Variants in LOXHD1 observed in about 807,000 individuals in gnomAD.
LOXHD1 encodes the protein lipoxygenase homology PLAT domains 1.
A neutral mutation model predicts 248.2 loss-of-function variants in LOXHD1; 205 were observed. That is an observed-to-expected ratio of 0.83 (90% CI 0.74 to 0.93). LOXHD1 has a LOEUF of 0.93. Among genes scored for constraint, LOXHD1 ranks in the 40% least tolerant of loss-of-function variants. LOXHD1 has a pLI of 0.00. For synonymous variants in LOXHD1, 1,113 were observed against 1,162.8 expected (o/e 0.96, Z 0.87); for missense variants, 2,930 against 2,971.6 (o/e 0.99, Z 0.33).
At chr18:46,568,578 G>C (rs538304325) in intron 16 of LOXHD1, among the ~76,000 whole-genome samples, 1 of 152,288 alleles carries the variant, frequency 6.6e-6, no homozygotes, top group Non-Finnish European at 1.5e-5. Context: ...TAGGGCTTCT[G>C]TCTGCCAGAC....
chr18:46,635,158 G>A (rs923391821), intron 4 of LOXHD1, among the ~76,000 whole-genome samples: 34 of 151,992 alleles, frequency 2.2e-4, no homozygotes, highest in Admixed American at 2.2e-3. Flanking sequence ...CAGCTGAAGG[G>A]CTGATGCCTA....
At chr18:46,561,162 C>T (rs1267787007) in intron 18 of LOXHD1, among the ~76,000 whole-genome samples, 4 of 152,212 alleles carry the variant, frequency 2.6e-5, no homozygotes, top group Admixed American at 1.3e-4. Context: ...TGGCCTCAGC[C>T]TGACTGCCCC....
chr18:46,572,685 A>G (rs1029034706), intron 14 of LOXHD1, among the ~76,000 whole-genome samples: 1 of 152,128 alleles, frequency 6.6e-6, no homozygotes, highest in East Asian at 1.9e-4. Flanking sequence ...TCCTCATGGC[A>G]CTGTGCTGAG....
At chr18:46,617,261 G>C (rs1335290838) in intron 5 of LOXHD1, among the ~76,000 whole-genome samples, 1 of 152,106 alleles carries the variant, frequency 6.6e-6, no homozygotes, top group Non-Finnish European at 1.5e-5. Flanking sequence ...AACATTTACT[G>C]TACTGATGAG....
At chr18:46,577,567 G>A (rs922195429) in intron 14 of LOXHD1, 140 bp downstream of exon 14, 4 of 884,840 alleles carry the variant, frequency 4.5e-6, no homozygotes, top group Admixed American at 2.8e-5. Context: ...CACCACCAGC[G>A]AGGTCACCTC....
intron 2 of LOXHD1, among the ~76,000 whole-genome samples, chr18:46,645,205 A>G (rs1471157666): frequency 1.3e-5 from 2 of 152,240 alleles, no homozygotes; most frequent in Non-Finnish European, 2.9e-5. Flanking sequence ...GGGGTAGGAA[A>G]GAAATAGAAA....
intron 17 of LOXHD1, among the ~76,000 whole-genome samples, chr18:46,565,006 A>G (rs892843467): frequency 1.3e-5 from 2 of 152,056 alleles, no homozygotes; most frequent in African/African-American, 4.8e-5. Context: ...GCTCACGTCT[A>G]TAATGCTAGC....
chr18:46,505,654 T>C (rs1231705269), intron 37 of LOXHD1, among the ~76,000 whole-genome samples, 184 bp downstream of exon 37: 1 of 152,156 alleles, frequency 6.6e-6, no homozygotes, highest in East Asian at 1.9e-4. Context: ...TCTCTAAAAA[T>C]ATTTGCCCAG....
intron 12 of LOXHD1, among the ~76,000 whole-genome samples, chr18:46,585,356 A>G (rs2038039619): frequency 6.6e-6 from 1 of 152,206 alleles, no homozygotes. Context: ...TGTAGAGTAC[A>G]AGATCAATAT....
chr18:46,528,041 C>T (rs1273913113), intron 29 of LOXHD1, among the ~76,000 whole-genome samples: 1 of 152,144 alleles, frequency 6.6e-6, no homozygotes, highest in Non-Finnish European at 1.5e-5. Context: ...TAGATGACAC[C>T]CACCTTTCTA....
Position 46,569,471 on chromosome 18 carries a change from ACTC to A in LOXHD1, c.2212_2214del (p.Glu738del). 1 of 1,552,080 alleles carries A rather than the reference ACTC, an allele frequency of 6.4e-7. No homozygotes were observed. Among genetic ancestry groups the A allele is most frequent in the South Asian group, 1.2e-5 (1 of 84,042 alleles). ...CCAATGTTCAGGGTCTCGAGGGTGA[ACTC>A]ATCCACCCGGCCACGTTCAAAGTAG... On this transcript the variant is annotated inframe_deletion, in exon 16 of 41. Transcript: ENST00000642948.
chr18:46,604,039 A>T, intron 7 of LOXHD1, 67 bp downstream of exon 7: 1 of 1,541,104 alleles, frequency 6.5e-7, no homozygotes, highest in East Asian at 2.5e-5. Context: ...AGCCCCACAG[A>T]TGCCAACAGC....
intron 37 of LOXHD1, among the ~76,000 whole-genome samples, chr18:46,490,236 G>A (rs969057746): frequency 6.6e-6 from 1 of 152,196 alleles, no homozygotes; most frequent in Non-Finnish European, 1.5e-5. Flanking sequence ...AACTCCAAGT[G>A]TCTTAAAGCA....
At chr18:46,510,602 A>C (rs1381985025) in intron 34 of LOXHD1, among the ~76,000 whole-genome samples, 1 of 152,164 alleles carries the variant, frequency 6.6e-6, no homozygotes, top group Non-Finnish European at 1.5e-5. Context: ...TGCAGGTGGC[A>C]CTGGAGATGT....
chr18:46,506,471 A>G (rs1282534990), intron 36 of LOXHD1, among the ~76,000 whole-genome samples: 6 of 152,232 alleles, frequency 3.9e-5, no homozygotes, highest in African/African-American at 1.4e-4. Context: ...CATTTGCTTA[A>G]GCCAAATACA....
At chr18:46,563,490 C>T (rs368096098) in intron 17 of LOXHD1, among the ~76,000 whole-genome samples, 1 of 152,166 alleles carries the variant, frequency 6.6e-6, no homozygotes, top group Non-Finnish European at 1.5e-5. Context: ...CTGCACCACA[C>T]GCACCAGGAA....
chr18:46,500,572 T>C (rs998846632), intron 37 of LOXHD1, among the ~76,000 whole-genome samples: 2 of 152,170 alleles, frequency 1.3e-5, no homozygotes, highest in South Asian at 2.1e-4. Flanking sequence ...GTAACCTACC[T>C]CCCACAGACA....
Position 46,604,351 on chromosome 18 carries a change from G to A in LOXHD1, c.760-122C>T, listed in dbSNP as rs2038382638. On this transcript the variant is annotated intron_variant, in intron 6 of 40. Coordinates refer to ENST00000642948, the MANE Select transcript of LOXHD1 (RefSeq NM_001384474.1). The stretch of plus-strand genomic sequence containing the variant: ...AGAATGTACTGATATCTGTTTCGTG[G>A]CCCAAGGAAAGCTTATCACAAGGAC... The A allele has an allele frequency of 2.5e-5, 34 of 1,341,020 alleles. 1 individual carries two copies. The South Asian group carries it at 3.6e-4, about 14-fold the overall frequency. The allele number at this position is 1,341,020 out of a possible 1,614,324, so 83.1% of individuals were successfully genotyped here. A position where few individuals can be genotyped will look rare whatever the true frequency, so the allele number is the denominator to read the frequency against.
intron 21 of LOXHD1, among the ~76,000 whole-genome samples, chr18:46,552,349 G>C (rs2037141650): frequency 6.6e-6 from 1 of 151,994 alleles, no homozygotes; most frequent in Non-Finnish European, 1.5e-5. Context: ...TGCCAGCCTG[G>C]GACTCCTATA....
Sources: allele counts gnomAD v4.1 joint callset (sites outside exome capture counted in the v4.1 genomes callset), GRCh38; gene constraint gnomAD v4.1.1; transcripts MANE v1.5; gene names NCBI Gene and HGNC (gene_info 2026-07-23, HGNC 2026-07-21).